The following PDK1 variants were observed in gnomAD, a reference collection of about 807,000 sequenced individuals.
PDK1 encodes the protein [Pyruvate dehydrogenase (acetyl-transferring)] kinase isozyme 1, mitochondrial.
A neutral mutation model predicts 54.2 loss-of-function variants in PDK1; 39 were observed. The observed-to-expected ratio is 0.72, with a 90% CI of 0.56 to 0.94. The LOEUF (loss-of-function observed/expected upper bound fraction) is 0.94, where lower values mean the gene tolerates loss of function less well. Ranked by LOEUF, PDK1 falls within the 40% of genes least tolerant of loss-of-function variation. The pLI is 0.00. For missense variants in PDK1, 552 were observed against 566.0 expected (o/e 0.98, Z 0.25); for synonymous variants, 221 against 207.1 (o/e 1.07, Z -0.58).
chr2:172,638,642 T>A, the PDK1 span, among the ~76,000 whole-genome samples: 11 of 152,140 alleles, frequency 7.2e-5, no homozygotes. Flanking sequence ...CTTGGAGAAC[T>A]TTTCTGTCTA....
the PDK1 span, among the ~76,000 whole-genome samples, chr2:172,649,784 G>T: frequency 6.6e-6 from 1 of 152,158 alleles, no homozygotes; most frequent in Non-Finnish European, 1.5e-5. Context: ...CAGAAGTTTA[G>T]AGAACACAGA....
chr2:172,569,707 T>A (rs931800105), intron 7 of PDK1, among the ~76,000 whole-genome samples: 8 of 152,250 alleles, frequency 5.3e-5, no homozygotes, highest in Non-Finnish European at 2.9e-5. Context: ...AAATCTTTTT[T>A]AAAATATTTA....
the PDK1 span, among the ~76,000 whole-genome samples, chr2:172,700,904 G>A: frequency 3.3e-5 from 5 of 152,114 alleles, no homozygotes; most frequent in South Asian, 1.0e-3. Flanking sequence ...TCCGCATGCC[G>A]AGGCAGGAGA....
At chr2:172,575,847 A>C (rs1266886612) in intron 8 of PDK1, among the ~76,000 whole-genome samples, 3 of 152,112 alleles carry the variant, frequency 2.0e-5, no homozygotes, top group Non-Finnish European at 1.5e-5. Context: ...TAAATAAATA[A>C]ATATAAACAA....
the PDK1 span, among the ~76,000 whole-genome samples, chr2:172,639,344 T>C: frequency 6.6e-6 from 1 of 152,242 alleles, no homozygotes; most frequent in Non-Finnish European, 1.5e-5. Context: ...GTGTGCTCAC[T>C]CTCCAAAGGG....
At chr2:172,700,955 A>G in the PDK1 span, among the ~76,000 whole-genome samples, 1 of 152,276 alleles carries the variant, frequency 6.6e-6, no homozygotes, top group East Asian at 1.9e-4. Flanking sequence ...TGGCGGCAGT[A>G]CAGTCCAGCC....
At chr2:172,667,338 A>G in the PDK1 span, among the ~76,000 whole-genome samples, 2 of 152,186 alleles carry the variant, frequency 1.3e-5, no homozygotes, top group Non-Finnish European at 2.9e-5. Flanking sequence ...ACTATTTTGA[A>G]TAATTTCAGC....
chr2:172,700,070 G>C, the PDK1 span, among the ~76,000 whole-genome samples: 1 of 152,164 alleles, frequency 6.6e-6, no homozygotes, highest in Non-Finnish European at 1.5e-5. Flanking sequence ...GCACGGGGCT[G>C]GGGGCAAGGC....
chr2:172,604,045 CA>C lies in PDK1; in HGVS notation c.*8078del, dbSNP rs1256692641. 1 of 152,140 alleles carries C rather than the reference CA, an allele frequency of 6.6e-6. No individual in the cohort carries two copies. The highest frequency in any genetic ancestry group is 2.4e-5 in the African/African-American group (1 of 41,424). 9.4% of individuals were successfully genotyped at this position (152,140 alleles called of 1,614,324 possible). ...CTAGACCAATTTGAGGAGAATTTAA[CA>C]ATAGCTTTTCAATTTATGAACATGG... On this transcript the variant is annotated 3_prime_UTR_variant, in exon 11 of 11. Transcript: ENST00000282077.
At chr2:172,664,703 A>G in the PDK1 span, among the ~76,000 whole-genome samples, 1 of 151,548 alleles carries the variant, frequency 6.6e-6, no homozygotes, top group Admixed American at 6.6e-5. Context: ...CATGTCTGCT[A>G]CTCTTCTTCT....
At chr2:172,720,116 C>T in the PDK1 span, among the ~76,000 whole-genome samples, 43,051 of 116,370 alleles carry the variant, frequency 0.37, 8,815 homozygotes, top group East Asian at 0.62. Flanking sequence ...CTCTCTCTCT[C>T]TTTTTTTTTT....
At chr2:172,685,911 T>C in the PDK1 span, among the ~76,000 whole-genome samples, 1 of 152,236 alleles carries the variant, frequency 6.6e-6, no homozygotes, top group Non-Finnish European at 1.5e-5. Flanking sequence ...CCAGTTTAAA[T>C]TCCTGTTTTG....
chr2:172,679,967 C>G, the PDK1 span, among the ~76,000 whole-genome samples: 2 of 152,128 alleles, frequency 1.3e-5, no homozygotes, highest in Non-Finnish European at 2.9e-5. Context: ...ACACAAGACC[C>G]TATTTCAGAG....
chr2:172,607,453 T>C lies in PDK1; in HGVS notation c.*11484T>C, dbSNP rs1397048709. 2 of 152,212 alleles carry C rather than the reference T, an allele frequency of 1.3e-5. No homozygotes were observed. Among genetic ancestry groups the C allele is most frequent in the Non-Finnish European group, 2.9e-5 (2 of 68,042 alleles). The allele number at this position is 152,212 out of a possible 1,614,324, so 9.4% of individuals were successfully genotyped here. ...CCAAGGATGATGGCTTCAACATGTC[T>C]CCAGTTGTTTTGCCACTCCAGGGCC... On this transcript the variant is annotated 3_prime_UTR_variant, in exon 11 of 11. Transcript: ENST00000282077.
intron 8 of PDK1, among the ~76,000 whole-genome samples, chr2:172,580,205 T>A (rs1191988482): frequency 1.3e-5 from 2 of 151,570 alleles, no homozygotes; most frequent in African/African-American, 4.8e-5. Context: ...GGCGATGCCA[T>A]CTGTTTGCTG....
the PDK1 span, among the ~76,000 whole-genome samples, chr2:172,633,211 T>G: frequency 3.5e-4 from 51 of 145,144 alleles, no homozygotes; most frequent in African/African-American, 1.2e-3. Context: ...CTTGGCTAAT[T>G]AAAAAAAATT....
At chr2:172,638,810 T>C in the PDK1 span, among the ~76,000 whole-genome samples, 1 of 152,344 alleles carries the variant, frequency 6.6e-6, no homozygotes, top group East Asian at 1.9e-4. Flanking sequence ...GCACTCTGTG[T>C]CTAGCTAAAG....
the PDK1 span, among the ~76,000 whole-genome samples, chr2:172,615,916 C>T: frequency 2.0e-5 from 3 of 152,172 alleles, no homozygotes; most frequent in African/African-American, 7.2e-5. Context: ...ATTCAACAAA[C>T]ATTTAGGGAG....
chr2:172,622,102 T>TATATTATGTGAGATATGTTTATATCTC, the PDK1 span, among the ~76,000 whole-genome samples: 20 of 134,372 alleles, frequency 1.5e-4, no homozygotes, highest in East Asian at 1.0e-3. Flanking sequence ...TTATATCTCA[T>TATATTATGTGAGATATGTTTATATCTC]ATATTATGTG....
Sources: gnomAD v4.1 joint callset for allele counts (sites outside exome capture counted in the v4.1 genomes callset) on GRCh38, gnomAD v4.1.1 for gene constraint, MANE v1.5 for transcripts, NCBI Gene and HGNC (gene_info 2026-07-23, HGNC 2026-07-21) for gene names.